KIAA0586: variants seen among roughly 807,000 people sequenced by gnomAD.
KIAA0586 encodes protein TALPID3.
A neutral mutation model predicts 169.8 loss-of-function variants in KIAA0586; 144 were observed. That is an observed-to-expected ratio of 0.85 (90% confidence interval 0.74 to 0.97). The LOEUF is 0.97. Ranked by LOEUF, KIAA0586 falls within the 50% of genes least tolerant of loss-of-function variation. The probability of loss-of-function intolerance (pLI) is 0.00; values close to 1 mark genes in which losing one functional copy is unlikely to be tolerated. For missense variants in KIAA0586, 1,854 were observed against 1,823.0 expected (o/e 1.02, Z -0.31); for synonymous variants, 625 against 612.4 (o/e 1.02, Z -0.30).
intron 7 of KIAA0586, among the ~76,000 whole-genome samples, chr14:58,449,337 G>A (rs1252236026): frequency 6.6e-6 from 1 of 152,018 alleles, no homozygotes; most frequent in African/African-American, 2.4e-5. Flanking sequence ...GACCAACCTG[G>A]GACATATAGT....
intron 29 of KIAA0586, among the ~76,000 whole-genome samples, chr14:58,531,358 T>G (rs1022241873): frequency 8.2e-5 from 12 of 145,814 alleles, no homozygotes; most frequent in Non-Finnish European, 1.4e-4. Context: ...AAATAAAAAA[T>G]AAAAAAAAAT....
intron 4 of KIAA0586, among the ~76,000 whole-genome samples, 154 bp downstream of exon 4, chr14:58,432,611 C>T (rs908120747): frequency 1.3e-5 from 2 of 152,104 alleles, no homozygotes; most frequent in Non-Finnish European, 2.9e-5. Flanking sequence ...GTATAAAATA[C>T]TCAGTAGCAG....
chr14:58,506,328 A>C (rs531566914), intron 27 of KIAA0586, among the ~76,000 whole-genome samples: 1 of 152,310 alleles, frequency 6.6e-6, no homozygotes, highest in African/African-American at 2.4e-5. Context: ...AATGAGAATC[A>C]GGTAATAATT....
chr14:58,491,185 G>A (rs2042815718), intron 25 of KIAA0586, among the ~76,000 whole-genome samples: 1 of 152,098 alleles, frequency 6.6e-6, no homozygotes, highest in South Asian at 2.1e-4. Flanking sequence ...AAGTGGCAAA[G>A]CATGTTTAAA....
chr14:58,547,721 T>A, intron 30 of KIAA0586, 60 bp from the exon 31 acceptor site: 91 of 976,718 alleles, frequency 9.3e-5, no homozygotes, highest in Non-Finnish European at 1.3e-4. Flanking sequence ...TCGCAAAGCA[T>A]AAAGCACGTA....
intron 30 of KIAA0586, among the ~76,000 whole-genome samples, chr14:58,540,833 T>G (rs150618000): frequency 6.6e-6 from 1 of 151,976 alleles, no homozygotes; most frequent in East Asian, 1.9e-4. Flanking sequence ...CATACTATAC[T>G]TAACATCAAA....
At chr14:58,453,142 C>T (rs1158002020) in intron 8 of KIAA0586, among the ~76,000 whole-genome samples, 1 of 151,860 alleles carries the variant, frequency 6.6e-6, no homozygotes, top group Non-Finnish European at 1.5e-5. Flanking sequence ...TGGTCTCGAA[C>T]TTCCGACCTC....
intron 19 of KIAA0586, 138 bp from the exon 20 acceptor site, chr14:58,476,985 C>CT: frequency 1.8e-6 from 1 of 551,640 alleles, no homozygotes; most frequent in East Asian, 2.8e-5. Context: ...CTAGATTTAA[C>CT]TTTCAGAATG....
intron 7 of KIAA0586, 36 bp from the exon 8 acceptor site, chr14:58,450,543 A>T: frequency 7.7e-7 from 1 of 1,301,740 alleles, no homozygotes; most frequent in Non-Finnish European, 1.1e-6. Flanking sequence ...AGCTTTTTAA[A>T]AGCAAGTTAA....
At chr14:58,442,937 T>A in intron 5 of KIAA0586, 57 bp downstream of exon 5, 5 of 1,222,462 alleles carry the variant, frequency 4.1e-6, no homozygotes, top group Non-Finnish European at 5.8e-6. Flanking sequence ...AAGTACTTAC[T>A]AAGAACTGAT....
chr14:58,501,101 G>A (rs750298110), intron 27 of KIAA0586, among the ~76,000 whole-genome samples: 1 of 152,170 alleles, frequency 6.6e-6, no homozygotes, highest in Non-Finnish European at 1.5e-5. Context: ...AATGCCCATT[G>A]TTTCTTTCTC....
chr14:58,506,682 CAA>C (rs966237090), intron 27 of KIAA0586, among the ~76,000 whole-genome samples: 17 of 77,716 alleles, frequency 2.2e-4, no homozygotes, highest in Middle Eastern at 0.011. Context: ...GTCTCCGTCT[CAA>C]AAAAAAAAAA....
Position 58,498,396 on chromosome 14 carries a change from G to A in KIAA0586, c.3991-387G>A, listed in dbSNP as rs535980242. Reference sequence around the variant, plus strand: ...TCGCCATGTTGCCTAGGCTGGTCTTGAACTCCTGAGTTCAAGTGATCCACC... The same window carrying A: ...TCGCCATGTTGCCTAGGCTGGTCTTAAACTCCTGAGTTCAAGTGATCCACC... On this transcript the variant is annotated intron_variant, in intron 26 of 30. Transcript: ENST00000652326. Among the ~76,000 whole-genome samples, 4 of 150,990 alleles carry A rather than the reference G, an allele frequency of 2.6e-5. No homozygotes were observed. In the South Asian group the frequency reaches 6.3e-4, roughly 24 times the overall value.
At chr14:58,447,702 A>G (rs1166386135) in intron 6 of KIAA0586, among the ~76,000 whole-genome samples, 1 of 152,034 alleles carries the variant, frequency 6.6e-6, no homozygotes, top group African/African-American at 2.4e-5. Context: ...ACTGGCCTCG[A>G]ACTCCTGACC....
Position 58,498,888 on chromosome 14 carries a change from G to A in KIAA0586, c.4096G>A (p.Val1366Ile), listed in dbSNP as rs2043350903. Residue 1366 changes from valine (V) to isoleucine (I), a missense_variant, in exon 27 of 31, where the codon GTC (valine) becomes ATC (isoleucine). Coordinates refer to ENST00000652326, the MANE Select transcript of KIAA0586 (RefSeq NM_001329943.3). Reference sequence around the variant, plus strand: ...ACATTCTCTCTATATGCAGCCACCTGTCACTAATACACAGTCTTTGGATCA... The same window carrying A: ...ACATTCTCTCTATATGCAGCCACCTATCACTAATACACAGTCTTTGGATCA... ...MGHSLYMQPP[V>I]TNTQSLDQQC... 1.9e-6 allele frequency: 3 copies of A among 1,612,760 alleles called. No homozygotes were observed. The East Asian group carries it at 6.7e-5, about 36-fold the overall frequency.
At chr14:58,542,988 C>T (rs1477412582) in intron 30 of KIAA0586, among the ~76,000 whole-genome samples, 6 of 151,860 alleles carry the variant, frequency 4.0e-5, no homozygotes, top group African/African-American at 1.2e-4. Flanking sequence ...ATTAGCCGGG[C>T]GTGGTGGCGG....
At chr14:58,435,285 C>T (rs1000089006) in intron 4 of KIAA0586, among the ~76,000 whole-genome samples, 1 of 152,144 alleles carries the variant, frequency 6.6e-6, no homozygotes, top group Non-Finnish European at 1.5e-5. Context: ...ATATATGTGG[C>T]AAGCACTACA....
At chr14:58,464,980 G>A (rs191463906) in intron 14 of KIAA0586, among the ~76,000 whole-genome samples, 8 of 152,236 alleles carry the variant, frequency 5.3e-5, no homozygotes, top group Admixed American at 3.9e-4. Flanking sequence ...GCTAGGGTGG[G>A]AGGATCACTT....
chr14:58,548,010 G>T lies in KIAA0586; in HGVS notation c.*78G>T, dbSNP rs1435457773. ...TACCTTGGCTTAAAACCCTCTCTCA[G>T]ACTGTTTGGTTTTTGAGCATATTCT... On this transcript the variant is annotated 3_prime_UTR_variant, in exon 31 of 31. Transcript: ENST00000652326. 2 of 1,483,268 alleles carry T rather than the reference G, an allele frequency of 1.3e-6. No homozygotes were observed. The highest frequency in any genetic ancestry group is 2.8e-5 in the African/African-American group (2 of 70,618). 91.9% of individuals were successfully genotyped at this position (1,483,268 alleles called of 1,614,324 possible). A position where few individuals can be genotyped will look rare whatever the true frequency, so the allele number is the denominator to read the frequency against.
Sources: allele counts gnomAD v4.1 joint callset (sites outside exome capture counted in the v4.1 genomes callset), GRCh38; gene constraint gnomAD v4.1.1; transcripts MANE v1.5; gene names NCBI Gene and HGNC (gene_info 2026-07-23, HGNC 2026-07-21).